The following ANKS1A variants were observed in gnomAD, a reference collection of about 807,000 sequenced individuals.
ANKS1A encodes the protein ankyrin repeat and sterile alpha motif domain containing 1A.
Under a neutral mutation model 120.3 loss-of-function variants are expected in ANKS1A, and 55 were observed. That is an observed-to-expected ratio of 0.46 (90% CI 0.37 to 0.57). The LOEUF (loss-of-function observed/expected upper bound fraction) is 0.57. Ranked by LOEUF, ANKS1A falls within the 20% of genes least tolerant of loss-of-function variation. ANKS1A has a pLI of 0.00. For missense variants in ANKS1A, 1,123 were observed against 1,480.3 expected (o/e 0.76, Z 3.96); for synonymous variants, 590 against 604.7 (o/e 0.98, Z 0.36).
chr6:34,914,068 C>A (rs1768035820), intron 1 of ANKS1A, among the ~76,000 whole-genome samples: 1 of 152,190 alleles, frequency 6.6e-6, no homozygotes, highest in Non-Finnish European at 1.5e-5. Flanking sequence ...CAGGTGCCTG[C>A]CACCACGCCC....
intron 13 of ANKS1A, among the ~76,000 whole-genome samples, chr6:35,072,258 C>CCCGGGGCCGA (rs1561956093): frequency 6.6e-6 from 1 of 152,240 alleles, no homozygotes; most frequent in African/African-American, 2.4e-5. Context: ...TCCCAGGACG[C>CCCGGGGCCGA]CCGGGGCCGA....
rs1777574827 is a variant in ANKS1A, at chr6:35,079,850, C to T, written c.2466C>T (p.Arg822=). The T allele has an allele frequency of 2.5e-6, 4 of 1,572,588 alleles. No individual in the cohort carries two copies. The African/African-American group carries it at 5.4e-5, about 21-fold the overall frequency. The change falls in exon 16 of 24, where the codon CGC becomes CGT. Residue 822 remains arginine, a synonymous_variant. Transcript: ENST00000360359. ...TGAAGGTCCAGCTGCTCGGCCATCG[C>T]AAGCGCATCATCGCCTCCCTCGCAG... The part of the protein sequence containing the change: ...NVLKVQLLGH[R]KRIIASLADR...
At chr6:34,961,277 T>C (rs555485112) in intron 1 of ANKS1A, among the ~76,000 whole-genome samples, 2 of 152,282 alleles carry the variant, frequency 1.3e-5, no homozygotes, top group South Asian at 4.1e-4. Flanking sequence ...AGTAACTCTT[T>C]TCTTGAGCTG....
At chr6:35,010,432 G>A (rs2127552712) in intron 10 of ANKS1A, among the ~76,000 whole-genome samples, 1 of 152,320 alleles carries the variant, frequency 6.6e-6, no homozygotes, top group African/African-American at 2.4e-5. Flanking sequence ...ATCAGCATGG[G>A]AAGGAAGAAA....
intron 11 of ANKS1A, among the ~76,000 whole-genome samples, chr6:35,041,644 C>T (rs1775464185): frequency 6.6e-6 from 1 of 152,190 alleles, no homozygotes; most frequent in South Asian, 2.1e-4. Context: ...GGGTTGTACA[C>T]TTTAACCTGA....
chr6:35,048,080 G>A (rs1337160241), intron 11 of ANKS1A, among the ~76,000 whole-genome samples: 1 of 152,190 alleles, frequency 6.6e-6, no homozygotes, highest in African/African-American at 2.4e-5. Flanking sequence ...CTTAGACCAC[G>A]CTCTGGAAGC....
chr6:35,043,252 G>A (rs191036410), intron 11 of ANKS1A, among the ~76,000 whole-genome samples: 5 of 152,350 alleles, frequency 3.3e-5, no homozygotes, highest in Non-Finnish European at 2.9e-5. Context: ...AGTTGACAAT[G>A]AGAGCCCATG....
intron 1 of ANKS1A, among the ~76,000 whole-genome samples, chr6:34,947,217 C>T (rs1335817885): frequency 6.2e-5 from 9 of 144,540 alleles, no homozygotes; most frequent in Admixed American, 5.0e-4. Flanking sequence ...GTGATCTCAG[C>T]TCACTACAAC....
intron 11 of ANKS1A, among the ~76,000 whole-genome samples, chr6:35,033,628 T>C (rs1775012447): frequency 6.6e-6 from 1 of 152,214 alleles, no homozygotes; most frequent in Non-Finnish European, 1.5e-5. Context: ...TCTTTCATCT[T>C]GGGCAACAAC....
At position 35,016,764 on chromosome 6, in the gene ANKS1A, C is replaced by CAA. The variant is rs145185965; in HGVS notation, c.1424-692_1424-691dup. On this transcript the variant is annotated intron_variant, in intron 10 of 23. Coordinates refer to ENST00000360359, the MANE Select transcript of ANKS1A (RefSeq NM_015245.3). ...GGAAGAAGCAAGATGTGCACATTCT[C>CAA]AAAAAAAAAAAAAAAAAAGAGAGAG... Among the ~76,000 whole-genome samples the CAA allele has an allele frequency of 5.4e-3, 708 of 131,698 alleles. 8 individuals are homozygous for CAA. The highest frequency in any genetic ancestry group is 0.022 in the African/African-American group (673 of 30,544). 86.4% of individuals were successfully genotyped at this position (131,698 alleles called of 152,430 possible).
chr6:34,954,763 C>G (rs766971350), intron 1 of ANKS1A, among the ~76,000 whole-genome samples: 39 of 152,250 alleles, frequency 2.6e-4, no homozygotes, highest in South Asian at 1.2e-3. Flanking sequence ...ATCAGTCCCA[C>G]TGGAAGGCCG....
chr6:34,901,075 C>T (rs1259558208), intron 1 of ANKS1A, among the ~76,000 whole-genome samples: 1 of 152,078 alleles, frequency 6.6e-6, no homozygotes, highest in African/African-American at 2.4e-5. Context: ...GCAACCAGTT[C>T]AAAATGATAA....
intron 23 of ANKS1A, 133 bp downstream of exon 23, chr6:35,087,182 G>A (rs1433360373): frequency 2.3e-6 from 2 of 877,492 alleles, no homozygotes; most frequent in African/African-American, 1.6e-5. Flanking sequence ...CACCTGCACT[G>A]GGACCTGCTC....
chr6:34,967,730 G>A (rs1364236942), intron 2 of ANKS1A, among the ~76,000 whole-genome samples: 3 of 151,974 alleles, frequency 2.0e-5, no homozygotes, highest in East Asian at 1.9e-4. Context: ...TTTGCTAAGC[G>A]GTGGCACTGA....
intron 11 of ANKS1A, chr6:35,039,700 C>T (rs1272187511): frequency 2.2e-6 from 1 of 449,824 alleles, no homozygotes; most frequent in South Asian, 1.6e-5. Context: ...TGTGTTTCTG[C>T]CCAGGGCTGT....
chr6:34,912,095 A>G (rs933697098), intron 1 of ANKS1A, among the ~76,000 whole-genome samples: 7 of 152,244 alleles, frequency 4.6e-5, no homozygotes, highest in African/African-American at 1.4e-4. Context: ...ACCTCTGTTC[A>G]GTGTCAGGAT....
chr6:34,970,386 G>A (rs1007525990), intron 3 of ANKS1A, among the ~76,000 whole-genome samples: 15 of 152,078 alleles, frequency 9.9e-5, no homozygotes, highest in African/African-American at 2.9e-4. Context: ...ATACTATGAG[G>A]ATGTATTTTA....
chr6:34,967,195 G>A lies in ANKS1A; in HGVS notation c.198-44G>A, dbSNP rs80085216. 448 of 1,595,884 alleles carry A rather than the reference G, an allele frequency of 2.8e-4. 7 individuals are homozygous for A. In the East Asian group the frequency reaches 8.9e-3, roughly 32 times the overall value. On this transcript the variant is annotated intron_variant, in intron 1 of 23. Coordinates refer to ENST00000360359, the MANE Select transcript of ANKS1A (RefSeq NM_015245.3). ...ATCTCTAACTTTGGTTTGTGACTTC[G>A]GTCTGTGAAATCTATGTCTCTCTCT...
rs1427765353 is a variant in ANKS1A at position 35,044,946 on chromosome 6, T to A, written c.2011-9153T>A. Among the ~76,000 whole-genome samples, 2 of 152,138 alleles carry A rather than the reference T, an allele frequency of 1.3e-5. No individual in the cohort carries two copies. Among genetic ancestry groups the A allele is most frequent in the Non-Finnish European group, 2.9e-5 (2 of 68,016 alleles). On this transcript the variant is annotated intron_variant, in intron 11 of 23. Coordinates refer to ENST00000360359, the MANE Select transcript of ANKS1A (RefSeq NM_015245.3). This position sits in a 1 kb window ranked among gnomAD's most constrained non-coding sequence, Gnocchi z 4.4. ...TACGAGGACTACAGATGTTTCCCAG[T>A]GTAAGTAAGGCTGGCATCTGGTCAA...
Sources: allele counts gnomAD v4.1 joint callset (sites outside exome capture counted in the v4.1 genomes callset), GRCh38; gene constraint gnomAD v4.1.1; non-coding constraint Gnocchi (gnomAD v3.1); transcripts MANE v1.5; gene names NCBI Gene and HGNC (gene_info 2026-07-23, HGNC 2026-07-21).